The following MINPP1 variants were observed in gnomAD, a reference collection of about 807,000 sequenced individuals.
The protein encoded by MINPP1 is multiple inositol polyphosphate phosphatase 1.
A neutral mutation model predicts 46.1 loss-of-function variants in MINPP1; 28 were observed. That is an observed-to-expected ratio of 0.61 (90% confidence interval 0.45 to 0.83). The LOEUF (loss-of-function observed/expected upper bound fraction) is 0.83. Ranked by LOEUF, MINPP1 falls within the 40% of genes least tolerant of loss-of-function variation. The pLI is 0.00. For missense variants in MINPP1, 603 were observed against 610.0 expected (o/e 0.99, Z 0.12); for synonymous variants, 268 against 249.1 (o/e 1.08, Z -0.72).
intron 4 of MINPP1, among the ~76,000 whole-genome samples, chr10:87,533,175 T>C (rs910487837): frequency 3.3e-5 from 5 of 152,134 alleles, no homozygotes; most frequent in African/African-American, 1.2e-4. Flanking sequence ...TGGTTTTTTT[T>C]AATATTAACA....
chr10:87,517,481 GTCA>G (rs1224661345), intron 3 of MINPP1, among the ~76,000 whole-genome samples: 1 of 152,056 alleles, frequency 6.6e-6, no homozygotes, highest in Non-Finnish European at 1.5e-5. Flanking sequence ...TTTGTCGAAA[GTCA>G]TCAGCCTGTA....
chr10:87,524,829 G>A (rs1209656270), intron 4 of MINPP1, among the ~76,000 whole-genome samples: 2 of 152,102 alleles, frequency 1.3e-5, no homozygotes, highest in African/African-American at 4.8e-5. Flanking sequence ...TCTTATATGG[G>A]TGGGGTTCAT....
intron 4 of MINPP1, among the ~76,000 whole-genome samples, chr10:87,548,028 GCCC>G (rs1851912058): frequency 6.6e-6 from 1 of 152,168 alleles, no homozygotes; most frequent in African/African-American, 2.4e-5. Flanking sequence ...ACCAAGTTAT[GCCC>G]TGTAGTTTTC....
chr10:87,505,161 G>T lies in MINPP1; in HGVS notation c.246G>T (p.Gln82His), dbSNP rs1450275183. 3 of 1,610,238 alleles carry T rather than the reference G, an allele frequency of 1.9e-6. No homozygotes were observed. The highest frequency in any genetic ancestry group is 2.5e-6 in the Non-Finnish European group (3 of 1,178,474). Residue 82 changes from glutamine to histidine, a missense_variant, in exon 1 of 5, where the codon CAG becomes CAT. This residue lies in a region of MINPP1 where 239 missense variants were observed against 189.4 expected (regional missense o/e 1.26). Coordinates refer to ENST00000371996, the MANE Select transcript of MINPP1 (RefSeq NM_004897.5). The surrounding 1 kb of genome is among the most constrained non-coding windows in gnomAD (Gnocchi z 4.4). ...TGGAGGGGACCTGCACCCCGGTGCA[G>T]CTGGTCGCCCTCATTCGCCACGGCA... ...ELLEGTCTPV[Q>H]LVALIRHGTR...
At chr10:87,508,088 A>G in intron 1 of MINPP1, 1 of 1,490,000 alleles carries the variant, frequency 6.7e-7, no homozygotes, top group African/African-American at 1.4e-5. Flanking sequence ...ATTGCGTAGC[A>G]TCTCTACAAC....
At chr10:87,511,344 G>C (rs950203986) in intron 2 of MINPP1, among the ~76,000 whole-genome samples, 9 of 152,072 alleles carry the variant, frequency 5.9e-5, no homozygotes, top group African/African-American at 1.7e-4. Context: ...TGGCTTCTGA[G>C]TGTTGTATTT....
At chr10:87,525,408 T>C (rs1851562232) in intron 4 of MINPP1, among the ~76,000 whole-genome samples, 4 of 152,258 alleles carry the variant, frequency 2.6e-5, no homozygotes, top group Non-Finnish European at 5.9e-5. Flanking sequence ...TGTGACAGGC[T>C]TTTATGATTT....
At chr10:87,534,861 C>T (rs1310332264) in intron 4 of MINPP1, among the ~76,000 whole-genome samples, 1 of 152,164 alleles carries the variant, frequency 6.6e-6, no homozygotes, top group African/African-American at 2.4e-5. Context: ...CTTCTACCAC[C>T]TAAGAGGTTA....
At chr10:87,540,125 C>T (rs1851793295) in intron 4 of MINPP1, among the ~76,000 whole-genome samples, 2 of 152,204 alleles carry the variant, frequency 1.3e-5, no homozygotes. Flanking sequence ...CCATCTGAGC[C>T]TCCCAAAGTG....
intron 4 of MINPP1, among the ~76,000 whole-genome samples, chr10:87,544,457 C>G (rs563649017): frequency 2.0e-5 from 3 of 152,276 alleles, no homozygotes; most frequent in Admixed American, 2.0e-4. Flanking sequence ...ATCAACTTGA[C>G]CTTCAGCCCC....
chr10:87,549,629 C>T (rs3847453), intron 4 of MINPP1, among the ~76,000 whole-genome samples: 130,605 of 152,228 alleles, frequency 0.86, 56,450 homozygotes, highest in African/African-American at 0.97. Flanking sequence ...TTGGATATAT[C>T]GTCATATCTT....
At chr10:87,549,630 G>A (rs777222487) in intron 4 of MINPP1, among the ~76,000 whole-genome samples, 1 of 152,198 alleles carries the variant, frequency 6.6e-6, no homozygotes, top group African/African-American at 2.4e-5. Context: ...TGGATATATC[G>A]TCATATCTTG....
At chr10:87,547,802 G>A (rs1414665144) in intron 4 of MINPP1, among the ~76,000 whole-genome samples, 1 of 152,122 alleles carries the variant, frequency 6.6e-6, no homozygotes, top group Non-Finnish European at 1.5e-5. Context: ...AACTGCTGTG[G>A]CTTTTGCTGC....
intron 2 of MINPP1, among the ~76,000 whole-genome samples, chr10:87,512,332 A>T (rs562626622): frequency 6.6e-6 from 1 of 152,174 alleles, no homozygotes; most frequent in South Asian, 2.1e-4. Flanking sequence ...TTGAGCAGCT[A>T]AGTTTGAAAA....
intron 4 of MINPP1, among the ~76,000 whole-genome samples, chr10:87,541,411 G>A (rs892038507): frequency 1.2e-4 from 19 of 152,164 alleles, no homozygotes; most frequent in African/African-American, 4.6e-4. Flanking sequence ...TAAAATGCCT[G>A]AAAAATTATT....
intron 4 of MINPP1, among the ~76,000 whole-genome samples, chr10:87,524,479 T>C (rs779393925): frequency 1.3e-5 from 2 of 152,372 alleles, no homozygotes; most frequent in Non-Finnish European, 2.9e-5. Context: ...TTATCATCCA[T>C]GTGTTCACTG....
chr10:87,505,208 A>G lies in MINPP1; in HGVS notation c.293A>G (p.Gln98Arg). The change falls in exon 1 of 5, where the codon CAG becomes CGG. Residue 98 changes from glutamine (Q) to arginine (R), a missense_variant. Gln to Arg is a conservative substitution (Grantham distance 43). This residue lies in a region of MINPP1 where 239 missense variants were observed against 189.4 expected (regional missense o/e 1.26). Transcript: ENST00000371996. The surrounding 1 kb of genome is among the most constrained non-coding windows in gnomAD (Gnocchi z 4.4). ...RHGTRYPTVK[Q>R]IRKLRQLHGL... Reference sequence around the variant, plus strand: ...GGCACCCGCTACCCCACGGTCAAACAGATCCGCAAGCTGAGGCAGCTGCAC... The same window carrying G: ...GGCACCCGCTACCCCACGGTCAAACGGATCCGCAAGCTGAGGCAGCTGCAC... 1 of 1,611,178 alleles carries G rather than the reference A, an allele frequency of 6.2e-7. No individual in the cohort carries two copies. The highest frequency in any genetic ancestry group is 8.5e-7 in the Non-Finnish European group (1 of 1,178,762).
At chr10:87,519,719 G>A (rs947470672) in intron 3 of MINPP1, among the ~76,000 whole-genome samples, 4 of 152,076 alleles carry the variant, frequency 2.6e-5, no homozygotes, top group African/African-American at 4.8e-5. Context: ...ACTATGACAT[G>A]CACTTAGTTT....
chr10:87,532,880 C>T (rs3847448), intron 4 of MINPP1, among the ~76,000 whole-genome samples: 107,875 of 152,064 alleles, frequency 0.71, 38,566 homozygotes, highest in African/African-American at 0.79. Flanking sequence ...TACTGCTTTT[C>T]TCCACACATT....
Sources: gnomAD v4.1 joint callset for allele counts (sites outside exome capture counted in the v4.1 genomes callset) on GRCh38, gnomAD v4.1.1 for gene constraint, gnomAD v4.1.1 regional missense constraint, Gnocchi (gnomAD v3.1) non-coding constraint, MANE v1.5 for transcripts, NCBI Gene and HGNC (gene_info 2026-07-23, HGNC 2026-07-21) for gene names.